PTPN4: variants seen among roughly 807,000 people sequenced by gnomAD.
PTPN4 encodes protein tyrosine phosphatase non-receptor type 4, also known as tyrosine-protein phosphatase non-receptor type 4.
PTPN4 carries 49 observed loss-of-function variants against 135.5 expected under a neutral mutation model. That is an observed-to-expected ratio of 0.36 (90% CI 0.29 to 0.46). PTPN4 has a LOEUF of 0.46. PTPN4 is among the 20% of genes least tolerant of loss of function. PTPN4 has a pLI of 1.00. For synonymous variants in PTPN4, 333 were observed against 369.9 expected, an observed-to-expected ratio of 0.90 and a Z score of 1.14; for missense variants, 860 against 1,101.0, an observed-to-expected ratio of 0.78 and a Z score of 3.10.
intron 2 of PTPN4, among the ~76,000 whole-genome samples, chr2:119,853,894 C>T (rs762942219): frequency 6.6e-6 from 1 of 151,966 alleles, no homozygotes; most frequent in Non-Finnish European, 1.5e-5. Flanking sequence ...ATAAACAACA[C>T]GGACACATGT....
intron 1 of PTPN4, among the ~76,000 whole-genome samples, chr2:119,774,837 C>G (rs1285958140): frequency 6.6e-6 from 1 of 151,698 alleles, no homozygotes; most frequent in East Asian, 1.9e-4. Flanking sequence ...CCAGTCTGAC[C>G]AACAAGGTGA....
chr2:119,958,794 T>C (rs1679325599), intron 22 of PTPN4, among the ~76,000 whole-genome samples: 1 of 152,312 alleles, frequency 6.6e-6, no homozygotes, highest in Non-Finnish European at 1.5e-5. Context: ...AACATTTAAC[T>C]CATAGTCAAC....
chr2:119,932,400 A>G (rs1196930906), intron 13 of PTPN4, 24 bp from the exon 14 acceptor site: 8 of 1,546,258 alleles, frequency 5.2e-6, no homozygotes, highest in South Asian at 2.5e-5. Context: ...AACTTTTAAC[A>G]TATTATTTAA....
At chr2:119,964,365 T>G (rs1679417598) in intron 24 of PTPN4, among the ~76,000 whole-genome samples, 1 of 152,228 alleles carries the variant, frequency 6.6e-6, no homozygotes, top group Admixed American at 6.5e-5. Context: ...GCAATACTCT[T>G]ACTGTCTCCG....
chr2:119,819,663 A>T (rs1283357241), intron 2 of PTPN4, among the ~76,000 whole-genome samples: 2 of 152,222 alleles, frequency 1.3e-5, no homozygotes, highest in African/African-American at 4.8e-5. Context: ...TTTGAGATGC[A>T]CCTTCACACA....
chr2:119,837,148 T>C (rs1677307114), intron 2 of PTPN4, among the ~76,000 whole-genome samples: 1 of 152,136 alleles, frequency 6.6e-6, no homozygotes, highest in Non-Finnish European at 1.5e-5. Context: ...GGCCCACGCA[T>C]GGCCACCCAT....
At chr2:119,876,549 T>G (rs1290051187) in intron 3 of PTPN4, among the ~76,000 whole-genome samples, 2 of 152,134 alleles carry the variant, frequency 1.3e-5, no homozygotes, top group East Asian at 3.9e-4. Context: ...TAATGATACA[T>G]AAACTTACTT....
At chr2:119,878,964 G>A (rs1678027930) in intron 5 of PTPN4, among the ~76,000 whole-genome samples, 1 of 151,616 alleles carries the variant, frequency 6.6e-6, no homozygotes, top group Admixed American at 6.6e-5. Context: ...GTGGTGGCAG[G>A]CGCCTGTAGT....
intron 18 of PTPN4, among the ~76,000 whole-genome samples, chr2:119,947,885 C>T (rs542346886): frequency 6.6e-6 from 1 of 152,094 alleles, no homozygotes; most frequent in South Asian, 2.1e-4. Flanking sequence ...GATGTGACTA[C>T]TAATAACTTC....
intron 2 of PTPN4, among the ~76,000 whole-genome samples, chr2:119,843,017 C>G (rs919499145): frequency 2.6e-5 from 4 of 152,212 alleles, no homozygotes; most frequent in African/African-American, 9.6e-5. Context: ...CTATTACTAA[C>G]TTGTTAAAAG....
chr2:119,893,392 A>G (rs1455982266), intron 9 of PTPN4, among the ~76,000 whole-genome samples: 14 of 152,222 alleles, frequency 9.2e-5, no homozygotes, highest in Admixed American at 9.2e-4. Context: ...TAGATTTAGT[A>G]GAAGCATAAG....
intron 1 of PTPN4, among the ~76,000 whole-genome samples, chr2:119,778,905 T>C (rs999286174): frequency 7.2e-6 from 1 of 138,532 alleles, no homozygotes; most frequent in African/African-American, 2.9e-5. Context: ...TTGCACATGA[T>C]TACCAGGAAT....
chr2:119,960,768 A>G, intron 22 of PTPN4, 39 bp from the exon 23 acceptor site: 1 of 1,592,488 alleles, frequency 6.3e-7, no homozygotes, highest in Non-Finnish European at 8.5e-7. Flanking sequence ...TGTAAAAAGT[A>G]ATGCAAAACA....
chr2:119,962,163 A>G (rs1359215178), intron 23 of PTPN4, among the ~76,000 whole-genome samples: 5 of 152,212 alleles, frequency 3.3e-5, no homozygotes, highest in Admixed American at 2.6e-4. Flanking sequence ...AGTGACAAAG[A>G]AAAAATGTCG....
Position 119,980,835 on chromosome 2 carries a change from T to TTA in PTPN4, c.*3768_*3769dup. ...TGATAACACATGCAGTATGAAAACA[T>TTA]TATAGACTGCAGTTAGAAGACTAAT... is the stretch of plus-strand genomic sequence containing the variant. On this transcript the variant is annotated 3_prime_UTR_variant, in exon 27 of 27. Transcript: ENST00000263708. 1 of 152,090 alleles carries TTA rather than the reference T, an allele frequency of 6.6e-6. No individual in the cohort carries two copies. The highest frequency in any genetic ancestry group is 2.1e-4 in the South Asian group (1 of 4,818). The allele number at this position is 152,090 out of a possible 1,614,324, so 9.4% of individuals were successfully genotyped here. A position where few individuals can be genotyped will look rare whatever the true frequency, so the allele number is the denominator to read the frequency against.
At chr2:119,935,386 G>A in intron 15 of PTPN4, among the ~76,000 whole-genome samples, 1 of 152,206 alleles carries the variant, frequency 6.6e-6, no homozygotes, top group East Asian at 1.9e-4. Flanking sequence ...AGATAGGTAA[G>A]AAGATTTATT....
Position 119,901,860 on chromosome 2 carries a change from C to T in PTPN4, c.764+1054C>T, listed in dbSNP as rs141648439. On this transcript the variant is annotated intron_variant, in intron 10 of 26. Transcript: ENST00000263708. The stretch of plus-strand genomic sequence containing the variant: ...AAATGAAGAATGCCTTTGGTCTTAT[C>T]GGTAGATTATACACAAGAAAAAAAT... 1.2e-3 allele frequency among the ~76,000 whole-genome samples: 175 copies of T among 151,776 alleles called. 1 individual carries two copies. Among genetic ancestry groups the T allele is most frequent in the African/African-American group, 4.0e-3 (166 of 41,352 alleles).
chr2:119,899,071 A>G (rs759888993), intron 9 of PTPN4, among the ~76,000 whole-genome samples: 3 of 152,134 alleles, frequency 2.0e-5, no homozygotes, highest in African/African-American at 4.8e-5. Flanking sequence ...GTGATGGTTA[A>G]GGTGGGAAGG....
chr2:119,799,082 G>A (rs111334640), intron 1 of PTPN4, among the ~76,000 whole-genome samples: 3,532 of 152,284 alleles, frequency 0.023, 129 homozygotes, highest in African/African-American at 0.077. Context: ...ATCTTTCATA[G>A]TTGTTATGGC....
Sources: gnomAD v4.1 joint callset for allele counts (sites outside exome capture counted in the v4.1 genomes callset) on GRCh38, gnomAD v4.1.1 for gene constraint, MANE v1.5 for transcripts, NCBI Gene and HGNC (gene_info 2026-07-23, HGNC 2026-07-21) for gene names.